RNF180: variants seen among roughly 807,000 people sequenced by gnomAD.
RNF180 encodes E3 ubiquitin-protein ligase RNF180.
A neutral mutation model predicts 59.2 loss-of-function variants in RNF180; 38 were observed. The ratio of observed to expected loss-of-function variants is 0.64; its 90% CI spans 0.50 to 0.84. The LOEUF (loss-of-function observed/expected upper bound fraction) is 0.84. RNF180 is among the 40% of genes least tolerant of loss of function. RNF180 has a pLI of 0.00. For missense variants in RNF180, 705 were observed against 700.9 expected (o/e 1.01, Z -0.07); for synonymous variants, 262 against 240.3 (o/e 1.09, Z -0.84).
intron 7 of RNF180, among the ~76,000 whole-genome samples, chr5:64,349,479 G>A (rs549494221): frequency 5.3e-5 from 8 of 149,608 alleles, no homozygotes; most frequent in East Asian, 2.0e-4. Flanking sequence ...TGTGCACAAC[G>A]TGCAGGTTTG....
chr5:64,311,329 C>T (rs1365285380), intron 5 of RNF180, among the ~76,000 whole-genome samples: 2 of 151,954 alleles, frequency 1.3e-5, no homozygotes, highest in Non-Finnish European at 2.9e-5. Flanking sequence ...AGATCTGCAT[C>T]ACACATTGGA....
intron 5 of RNF180, among the ~76,000 whole-genome samples, chr5:64,221,743 A>G (rs1741350377): frequency 6.6e-6 from 1 of 152,184 alleles, no homozygotes; most frequent in South Asian, 2.1e-4. Context: ...TTAGCACAGT[A>G]CTTTGTACAT....
chr5:64,363,719 C>A (rs1205640648), intron 7 of RNF180, among the ~76,000 whole-genome samples: 1 of 151,720 alleles, frequency 6.6e-6, no homozygotes, highest in African/African-American at 2.4e-5. Flanking sequence ...CTAGCCATCA[C>A]ATGGAATGTT....
intron 7 of RNF180, among the ~76,000 whole-genome samples, chr5:64,336,648 T>A (rs1165857488): frequency 6.6e-6 from 1 of 152,196 alleles, no homozygotes; most frequent in Non-Finnish European, 1.5e-5. Context: ...TTAGAAACCC[T>A]CATTTTAATT....
rs1355783817 is a variant in RNF180, at chr5:64,200,905, G to C, written c.98G>C (p.Gly33Ala). The C allele has an allele frequency of 1.9e-6, 3 of 1,613,614 alleles. No homozygotes were observed. Among genetic ancestry groups the C allele is most frequent in the Non-Finnish European group, 2.5e-6 (3 of 1,179,686 alleles). ...TGTAGAAAATGTATAGCAAGCTCTG[G>C]TTGTTTTATGGAGTATCTTGAGAAT... The part of the protein sequence containing the change: ...WKCRKCIASS[G>A]CFMEYLENQV... The change falls in exon 2 of 8, where the codon GGT (glycine) becomes GCT (alanine). Residue 33 changes from glycine to alanine, a missense_variant. Physicochemically the swap from Gly to Ala is moderately conservative, Grantham distance 60. Transcript: ENST00000389100.
At chr5:64,353,432 A>G (rs192122521) in intron 7 of RNF180, among the ~76,000 whole-genome samples, 29 of 151,904 alleles carry the variant, frequency 1.9e-4, no homozygotes, top group African/African-American at 6.0e-4. Context: ...AATTGATTGC[A>G]TAAGTGCTGT....
In RNF180 at chr5:64,249,698, T is replaced by A. The variant is rs191857078; in HGVS notation, c.1227+32302T>A. Among the ~76,000 whole-genome samples the A allele has an allele frequency of 3.2e-3, 491 of 152,248 alleles. 1 individual carries two copies. The highest frequency in any genetic ancestry group is 0.012 in the African/African-American group (483 of 41,554). ...TATACTTATATCAGATAAAATAGACTTTAATTCAAAAATTGTAAAAAGAGA... is the reference window on the plus strand; with the variant it reads ...TATACTTATATCAGATAAAATAGACATTAATTCAAAAATTGTAAAAAGAGA... On this transcript the variant is annotated intron_variant, in intron 5 of 7. Coordinates refer to ENST00000389100, the MANE Select transcript of RNF180 (RefSeq NM_001113561.2).
chr5:64,224,310 T>C (rs1741537822), intron 5 of RNF180, among the ~76,000 whole-genome samples: 1 of 152,126 alleles, frequency 6.6e-6, no homozygotes, highest in African/African-American at 2.4e-5. Context: ...CAAAGGTAGA[T>C]AAAGAACCAT....
At chr5:64,319,525 C>T (rs1435942600) in intron 5 of RNF180, among the ~76,000 whole-genome samples, 1 of 152,156 alleles carries the variant, frequency 6.6e-6, no homozygotes, top group African/African-American at 2.4e-5. Context: ...GTTATTTATA[C>T]TATTCTTTGT....
intron 5 of RNF180, among the ~76,000 whole-genome samples, chr5:64,263,014 G>T (rs898562348): frequency 2.6e-5 from 4 of 152,184 alleles, no homozygotes; most frequent in African/African-American, 9.7e-5. Context: ...CACAAATATG[G>T]TGTAGCATTA....
At chr5:64,339,864 T>G (rs1356854182) in intron 7 of RNF180, among the ~76,000 whole-genome samples, 4 of 152,144 alleles carry the variant, frequency 2.6e-5, no homozygotes, top group African/African-American at 9.7e-5. Flanking sequence ...TTTTAAATTT[T>G]TTTCTTCTTA....
rs114120945 is a variant in RNF180 at position 64,329,383 on chromosome 5, G to A, written c.1454-898G>A. Among the ~76,000 whole-genome samples the A allele has an allele frequency of 3.4e-3, 517 of 152,146 alleles. 2 individuals are homozygous for A. The highest frequency in any genetic ancestry group is 0.013 in the South Asian group (61 of 4,824). On this transcript the variant is annotated intron_variant, in intron 6 of 7. Transcript: ENST00000389100. ...GGACAGTTTTCCCAAGGAATTAAGCGGAGGATGGTTTCAGGATGAAACTTT... is the reference window on the plus strand; with the variant it reads ...GGACAGTTTTCCCAAGGAATTAAGCAGAGGATGGTTTCAGGATGAAACTTT...
intron 1 of RNF180, among the ~76,000 whole-genome samples, chr5:64,198,223 T>G (rs1388836563): frequency 6.6e-6 from 1 of 152,192 alleles, no homozygotes; most frequent in Non-Finnish European, 1.5e-5. Context: ...GACTTCAAAA[T>G]CTGGACATCT....
intron 5 of RNF180, among the ~76,000 whole-genome samples, chr5:64,271,772 A>ACAAG (rs1021647654): frequency 6.6e-6 from 1 of 151,968 alleles, no homozygotes; most frequent in African/African-American, 2.4e-5. Context: ...ATTTAAAGAA[A>ACAAG]CAATTAGTTG....
At chr5:64,204,771 C>G (rs192590894) in intron 2 of RNF180, among the ~76,000 whole-genome samples, 5 of 152,100 alleles carry the variant, frequency 3.3e-5, no homozygotes, top group African/African-American at 9.6e-5. Flanking sequence ...TACTGAATAC[C>G]AAAGTTAGGC....
At chr5:64,267,307 C>T (rs1744735348) in intron 5 of RNF180, among the ~76,000 whole-genome samples, 2 of 151,962 alleles carry the variant, frequency 1.3e-5, no homozygotes. Context: ...AAAGTAATTA[C>T]ACTGAAAAAG....
At chr5:64,351,836 G>C (rs1469833219) in intron 7 of RNF180, among the ~76,000 whole-genome samples, 2 of 152,122 alleles carry the variant, frequency 1.3e-5, no homozygotes, top group South Asian at 2.1e-4. Flanking sequence ...TTGCATCAAT[G>C]TTCATCAGGG....
intron 5 of RNF180, among the ~76,000 whole-genome samples, chr5:64,250,572 AAGG>A (rs1357472797): frequency 6.6e-6 from 1 of 152,112 alleles, no homozygotes; most frequent in Non-Finnish European, 1.5e-5. Context: ...AGAAATGAAA[AAGG>A]AGATATTACA....
intron 2 of RNF180, among the ~76,000 whole-genome samples, chr5:64,207,879 T>A (rs1245040343): frequency 6.6e-6 from 1 of 152,118 alleles, no homozygotes; most frequent in African/African-American, 2.4e-5. Context: ...TTCCCTGTGG[T>A]GTTAGCTGCG....
Sources: allele counts gnomAD v4.1 joint callset (sites outside exome capture counted in the v4.1 genomes callset), GRCh38; gene constraint gnomAD v4.1.1; transcripts MANE v1.5; gene names NCBI Gene and HGNC (gene_info 2026-07-23, HGNC 2026-07-21).